TRIM24: variants seen among roughly 807,000 people sequenced by gnomAD.
The protein encoded by TRIM24 is transcription intermediary factor 1-alpha.
In TRIM24, 29 loss-of-function variants were observed where a neutral mutation model predicts 123.9. The observed-to-expected ratio is 0.23, with a 90% CI of 0.17 to 0.32. The LOEUF is 0.32. TRIM24 is among the 10% of genes least tolerant of loss of function. TRIM24 has a pLI of 1.00. For synonymous variants in TRIM24, 456 were observed against 461.1 expected, an observed-to-expected ratio of 0.99 and a Z score of 0.14; for missense variants, 932 against 1,295.3, an observed-to-expected ratio of 0.72 and a Z score of 4.31.
chr7:138,510,466 G>A (rs183372550), intron 2 of TRIM24, among the ~76,000 whole-genome samples: 4 of 152,294 alleles, frequency 2.6e-5, no homozygotes, highest in Non-Finnish European at 4.4e-5. Flanking sequence ...CTGTTGCCCA[G>A]GCTGGAATGC....
At chr7:138,503,399 C>T (rs1041520394) in intron 1 of TRIM24, among the ~76,000 whole-genome samples, 2 of 151,656 alleles carry the variant, frequency 1.3e-5, no homozygotes, top group African/African-American at 4.8e-5. Flanking sequence ...GCACAATGAC[C>T]TTCACAATCT....
At chr7:138,472,153 G>A (rs1316177004) in intron 1 of TRIM24, among the ~76,000 whole-genome samples, 3 of 151,978 alleles carry the variant, frequency 2.0e-5, no homozygotes, top group Non-Finnish European at 4.4e-5. Flanking sequence ...GAAGTGGGGA[G>A]GAATGGGATA....
intron 1 of TRIM24, among the ~76,000 whole-genome samples, chr7:138,495,466 A>G (rs1400592912): frequency 6.6e-6 from 1 of 152,094 alleles, no homozygotes; most frequent in African/African-American, 2.4e-5. Context: ...ACAGCCTTCT[A>G]CTGTCTTCTG....
chr7:138,461,048 G>C (rs1309350180), intron 1 of TRIM24, 136 bp downstream of exon 1: 2 of 953,246 alleles, frequency 2.1e-6, no homozygotes, highest in East Asian at 2.8e-5. Flanking sequence ...AGGAGGGTCT[G>C]TGCTGGCGAC....
At chr7:138,504,200 G>T (rs1742346307) in intron 1 of TRIM24, 90 bp from the exon 2 acceptor site, 2 of 781,312 alleles carry the variant, frequency 2.6e-6, no homozygotes, top group Non-Finnish European at 1.9e-6. Context: ...AATGGACATT[G>T]AAAAAGAACA....
At position 138,526,652 on chromosome 7, in the gene TRIM24, T is replaced by A. The variant is rs550232317; in HGVS notation, c.881+1295T>A. ...GTCTTGAACTAGTGACCTCAGGTGA[T>A]CTGCCACCTCAGCCTCCCAAAGCAC... is the stretch of plus-strand genomic sequence containing the variant. On this transcript the variant is annotated intron_variant, in intron 5 of 18. Coordinates refer to ENST00000343526, the MANE Select transcript of TRIM24 (RefSeq NM_015905.3). Among the ~76,000 whole-genome samples, 11 of 152,238 alleles carry A rather than the reference T, an allele frequency of 7.2e-5. No homozygotes were observed. The South Asian group carries it at 2.3e-3, about 32-fold the overall frequency.
chr7:138,575,718 C>CTTCT (rs902334411), intron 12 of TRIM24, among the ~76,000 whole-genome samples: 1 of 151,608 alleles, frequency 6.6e-6, no homozygotes, highest in East Asian at 1.9e-4. Context: ...AACAGTTTTC[C>CTTCT]TTCTTTCTTG....
chr7:138,573,518 A>G lies in TRIM24; in HGVS notation c.1890A>G (p.Ser630=). The G allele has an allele frequency of 6.3e-7, 1 of 1,593,954 alleles. No individual in the cohort carries two copies. The highest frequency in any genetic ancestry group is 8.5e-7 in the Non-Finnish European group (1 of 1,172,006). Residue 630 remains serine (S), a synonymous_variant, in exon 12 of 19, where the codon TCA becomes TCG. Coordinates refer to ENST00000343526, the MANE Select transcript of TRIM24 (RefSeq NM_015905.3). ...TCTTTTCTTGTAAGATTGACTGTTC[A>G]AGTACTATTATGCTGGACAATATTG... ...NLPSLPDIDC[S]STIMLDNIVR... is the part of the protein sequence containing the mutation.
intron 9 of TRIM24, among the ~76,000 whole-genome samples, chr7:138,555,641 C>T (rs1797301389): frequency 6.6e-6 from 1 of 151,990 alleles, no homozygotes; most frequent in South Asian, 2.1e-4. Context: ...TGCCACCACA[C>T]CCGGCTAATT....
intron 2 of TRIM24, among the ~76,000 whole-genome samples, chr7:138,507,684 A>G (rs1448493824): frequency 2.0e-5 from 3 of 152,164 alleles, no homozygotes; most frequent in East Asian, 1.9e-4. Context: ...CATAACTACC[A>G]TATGAATTTC....
At position 138,585,933 on chromosome 7, in the gene TRIM24, C is replaced by A. The variant is rs1264435575; in HGVS notation, c.*982C>A. 1 of 515,572 alleles carries A rather than the reference C, an allele frequency of 1.9e-6. No individual in the cohort carries two copies. The highest frequency in any genetic ancestry group is 3.9e-6 in the Non-Finnish European group (1 of 257,642). The allele number at this position is 515,572 out of a possible 1,614,324, so 31.9% of individuals were successfully genotyped here. On this transcript the variant is annotated 3_prime_UTR_variant, in exon 19 of 19. Coordinates refer to ENST00000343526, the MANE Select transcript of TRIM24 (RefSeq NM_015905.3). ...ACTCGTTTTTGTGGTTTTCATCTGT[C>A]TATAATTTGGAATGAAAATGTGTTG...
rs869232002 is a variant in TRIM24, at chr7:138,497,393, C to CTTTTTT, written c.365-6877_365-6872dup. On this transcript the variant is annotated intron_variant, in intron 1 of 18. Transcript: ENST00000343526. ...GATGGGAAGGTTTCAATTACAATTT[C>CTTTTTT]TTTTTTTTTTTTTTTTTTTTTTTTT... 2.4e-3 allele frequency among the ~76,000 whole-genome samples: 213 copies of CTTTTTT among 88,260 alleles called. 6 individuals are homozygous for CTTTTTT. Among genetic ancestry groups the CTTTTTT allele is most frequent in the African/African-American group, 7.6e-3 (166 of 21,708 alleles). The allele number at this position is 88,260 out of a possible 152,430, so 57.9% of individuals were successfully genotyped here.
rs948542199 is a variant in TRIM24 at position 138,482,115 on chromosome 7, CT to C, written c.364+21211del. On this transcript the variant is annotated intron_variant, in intron 1 of 18. Coordinates refer to ENST00000343526, the MANE Select transcript of TRIM24 (RefSeq NM_015905.3). ...TGTTACTACCTGCACCAGGGCCACA[CT>C]TTTTTTTCCTTTTAGAAAAAAGGGT... 4.6e-5 allele frequency among the ~76,000 whole-genome samples: 7 copies of C among 152,058 alleles called. No homozygotes were observed. In the East Asian group the frequency reaches 1.2e-3, roughly 25 times the overall value.
intron 14 of TRIM24, among the ~76,000 whole-genome samples, chr7:138,578,563 T>TGTGTGCGCGC (rs145011901): frequency 0.048 from 6,932 of 144,884 alleles, 205 homozygotes; most frequent in South Asian, 0.076. Context: ...TGTGTGTGTG[T>TGTGTGCGCGC]GCGCGCACGC....
chr7:138,495,249 T>C (rs1795877572), intron 1 of TRIM24, among the ~76,000 whole-genome samples: 1 of 152,184 alleles, frequency 6.6e-6, no homozygotes, highest in Non-Finnish European at 1.5e-5. Flanking sequence ...GTAAATGTTG[T>C]ACATATTCAA....
rs764048615 is a variant in TRIM24, at chr7:138,525,255, A to G, written c.779A>G (p.Glu260Gly). The G allele has an allele frequency of 6.7e-7, 1 of 1,491,286 alleles. No individual in the cohort carries two copies. The highest frequency in any genetic ancestry group is 8.9e-7 in the Non-Finnish European group (1 of 1,124,240). The allele number at this position is 1,491,286 out of a possible 1,614,324, so 92.4% of individuals were successfully genotyped here. Residue 260 changes from glutamate to glycine, a missense_variant, in exon 5 of 19, where the codon GAA (glutamate) becomes GGA (glycine). Coordinates refer to ENST00000343526, the MANE Select transcript of TRIM24 (RefSeq NM_015905.3). ...TATTTCTTCAGATACCAATTTATAG[A>G]AGAAGCTTTTCAGAATCAGAAAGTG... is the stretch of plus-strand genomic sequence containing the variant. ...EHKEHRYQFIEEAFQNQKVII... is the reference protein window; with the variant it reads ...EHKEHRYQFIGEAFQNQKVII...
chr7:138,537,206 C>T (rs964215056), intron 6 of TRIM24, among the ~76,000 whole-genome samples: 1 of 151,994 alleles, frequency 6.6e-6, no homozygotes, highest in South Asian at 2.1e-4. Context: ...ACACTCGGTG[C>T]ACTGTACCCA....
intron 1 of TRIM24, among the ~76,000 whole-genome samples, chr7:138,502,909 CT>C: frequency 6.6e-6 from 1 of 152,160 alleles, no homozygotes; most frequent in South Asian, 2.1e-4. Context: ...TTGTTTCTTG[CT>C]TAAAAATTTA....
rs144122569 is a variant in TRIM24, at chr7:138,554,754, G to A, written c.1318G>A (p.Val440Ile). The change falls in exon 9 of 19, where the codon GTC (valine) becomes ATC (isoleucine). Residue 440 changes from valine (V) to isoleucine (I), a missense_variant. Transcript: ENST00000343526. The surrounding 1 kb of genome is among the most constrained non-coding windows in gnomAD (Gnocchi z 4.5). ...SQPQMPKQNP[V>I]VEQNSQPPSG... ...GCCACAAATGCCTAAGCAGAATCCTGTCGTGGAACAGAATTCACAGCCACC... is the reference window on the plus strand; with the variant it reads ...GCCACAAATGCCTAAGCAGAATCCTATCGTGGAACAGAATTCACAGCCACC... The A allele has an allele frequency of 2.1e-4, 347 of 1,614,186 alleles. 2 individuals are homozygous for A. The African/African-American group carries it at 4.0e-3, about 19-fold the overall frequency.
Sources: gnomAD v4.1 joint callset for allele counts (sites outside exome capture counted in the v4.1 genomes callset) on GRCh38, gnomAD v4.1.1 for gene constraint, Gnocchi (gnomAD v3.1) non-coding constraint, MANE v1.5 for transcripts, NCBI Gene and HGNC (gene_info 2026-07-23, HGNC 2026-07-21) for gene names.